MRTFB: variants seen among roughly 807,000 people sequenced by gnomAD.
MRTFB encodes the protein myocardin related transcription factor B.
MRTFB carries 29 observed loss-of-function variants against 104.2 expected under a neutral mutation model. That is an observed-to-expected ratio of 0.28 (90% confidence interval 0.21 to 0.38). MRTFB has a LOEUF of 0.38. MRTFB is among the 10% of genes least tolerant of loss of function. The probability of loss-of-function intolerance (pLI) is 1.00; values close to 1 mark genes in which losing one functional copy is unlikely to be tolerated. For synonymous variants in MRTFB, 535 were observed against 519.5 expected, an observed-to-expected ratio of 1.03 and a Z score of -0.41; for missense variants, 1,270 against 1,341.6, an observed-to-expected ratio of 0.95 and a Z score of 0.83.
At chr16:14,182,537 G>T (rs1381002978) in intron 3 of MRTFB, among the ~76,000 whole-genome samples, 1 of 152,084 alleles carries the variant, frequency 6.6e-6, no homozygotes, top group African/African-American at 2.4e-5. Flanking sequence ...CATATATAGA[G>T]ATATAAATGT....
chr16:14,094,485 T>A (rs1050729059), intron 2 of MRTFB, among the ~76,000 whole-genome samples: 13 of 152,366 alleles, frequency 8.5e-5, no homozygotes, highest in South Asian at 6.2e-4. Context: ...ATTTCTAATG[T>A]GCTTCATCTG....
intron 2 of MRTFB, among the ~76,000 whole-genome samples, chr16:14,129,638 G>A (rs2037338348): frequency 6.6e-6 from 1 of 152,156 alleles, no homozygotes; most frequent in Non-Finnish European, 1.5e-5. Context: ...TTCCAAAGTA[G>A]TGTTTTACAT....
At chr16:14,029,388 G>A in the MRTFB span, among the ~76,000 whole-genome samples, 7 of 131,716 alleles carry the variant, frequency 5.3e-5, no homozygotes, top group African/African-American at 1.5e-4. Flanking sequence ...CCTGGGTGAC[G>A]GAGCAAGACT....
At chr16:14,170,210 A>T (rs1257004259) in intron 3 of MRTFB, 4 of 152,526 alleles carry the variant, frequency 2.6e-5, no homozygotes, top group Admixed American at 1.3e-4. Context: ...TAATCCCAGC[A>T]CTTTGGGAGG....
At chr16:14,083,586 C>T (rs984499557) in intron 2 of MRTFB, among the ~76,000 whole-genome samples, 1 of 152,170 alleles carries the variant, frequency 6.6e-6, no homozygotes, top group Non-Finnish European at 1.5e-5. Context: ...TGCTTACTTC[C>T]CTCTGTTTCC....
chr16:14,236,776 A>G (rs2042535989), intron 9 of MRTFB, among the ~76,000 whole-genome samples: 1 of 152,184 alleles, frequency 6.6e-6, no homozygotes, highest in Non-Finnish European at 1.5e-5. Context: ...TATTACTGCT[A>G]AGGGAAGGAG....
chr16:14,000,071 G>A, the MRTFB span, among the ~76,000 whole-genome samples: 1 of 152,148 alleles, frequency 6.6e-6, no homozygotes, highest in Admixed American at 6.5e-5. Context: ...CTGTTTCCAG[G>A]CTGCGTTGCC....
intron 3 of MRTFB, chr16:14,187,127 G>GCT: frequency 9.7e-7 from 1 of 1,027,988 alleles, no homozygotes; most frequent in South Asian, 1.6e-5. Flanking sequence ...CTATGTGTCT[G>GCT]CTCTCTCTGT....
intron 3 of MRTFB, among the ~76,000 whole-genome samples, chr16:14,163,785 A>C (rs894398332): frequency 5.9e-5 from 9 of 151,462 alleles, no homozygotes; most frequent in African/African-American, 2.2e-4. Context: ...GTGAGCTGAG[A>C]TCATGCCATT....
At chr16:14,072,628 T>A (rs1400557615) in intron 1 of MRTFB, among the ~76,000 whole-genome samples, 1 of 152,134 alleles carries the variant, frequency 6.6e-6, no homozygotes, top group African/African-American at 2.4e-5. Flanking sequence ...AAGGCTGCAG[T>A]GAGCTGTGAT....
chr16:14,009,846 C>T, the MRTFB span: 1 of 152,204 alleles, frequency 6.6e-6, no homozygotes. Context: ...TCACATATCA[C>T]CCCTCTTCTC....
At chr16:14,070,627 T>C (rs1360236345), upstream of MRTFB, among the ~76,000 whole-genome samples, 1 of 152,214 alleles carries the variant, frequency 6.6e-6, no homozygotes, top group Non-Finnish European at 1.5e-5. Flanking sequence ...GCCAGCTCCA[T>C]TGAAAACAGA....
the MRTFB span, among the ~76,000 whole-genome samples, chr16:14,029,920 C>A: frequency 6.6e-6 from 1 of 151,916 alleles, no homozygotes; most frequent in Non-Finnish European, 1.5e-5. Flanking sequence ...GCGTTCCAGG[C>A]TGAGTGGTTT....
intron 2 of MRTFB, among the ~76,000 whole-genome samples, chr16:14,103,973 A>G (rs536559057): frequency 6.6e-6 from 1 of 152,348 alleles, no homozygotes; most frequent in South Asian, 2.1e-4. Flanking sequence ...CATAGAAACC[A>G]TGATTTAGTA....
At chr16:14,235,658 T>C in intron 9 of MRTFB, among the ~76,000 whole-genome samples, 1 of 152,192 alleles carries the variant, frequency 6.6e-6, no homozygotes, top group East Asian at 1.9e-4. Flanking sequence ...AGTGTTTCTA[T>C]AAGGAAAGCT....
At chr16:14,051,054 CAACACACACACAAAGACAAAG>C in the MRTFB span, among the ~76,000 whole-genome samples, 3 of 152,136 alleles carry the variant, frequency 2.0e-5, no homozygotes, top group South Asian at 6.2e-4. Context: ...CTGTGATTTC[CAACACACACACAAAGACAAAG>C]ACACACACAA....
At chr16:14,203,900 G>C (rs976499467) in intron 3 of MRTFB, among the ~76,000 whole-genome samples, 2 of 151,156 alleles carry the variant, frequency 1.3e-5, no homozygotes, top group Non-Finnish European at 2.9e-5. Flanking sequence ...TGAAATTTTT[G>C]AATTAGGGTT....
intron 2 of MRTFB, among the ~76,000 whole-genome samples, chr16:14,094,543 A>G (rs1448792187): frequency 2.6e-5 from 4 of 152,158 alleles, no homozygotes; most frequent in Non-Finnish European, 5.9e-5. Context: ...TATGCTCCCT[A>G]TTGAATAATC....
At chr16:14,062,435 T>G in the MRTFB span, among the ~76,000 whole-genome samples, 1 of 152,158 alleles carries the variant, frequency 6.6e-6, no homozygotes, top group African/African-American at 2.4e-5. Context: ...GCATGCCCTA[T>G]GTTAAGGCTC....
Sources: allele counts gnomAD v4.1 joint callset (sites outside exome capture counted in the v4.1 genomes callset), GRCh38; gene constraint gnomAD v4.1.1; transcripts MANE v1.5; gene names NCBI Gene and HGNC (gene_info 2026-07-23, HGNC 2026-07-21).